The following SNX6 variants were observed in gnomAD, a reference collection of about 807,000 sequenced individuals.
SNX6 encodes sorting nexin-6.
In SNX6, 34 loss-of-function variants were observed where a neutral mutation model predicts 63.0. The observed-to-expected ratio is 0.54, with a 90% confidence interval of 0.41 to 0.72. The LOEUF (loss-of-function observed/expected upper bound fraction) is 0.72. Among genes scored for constraint, SNX6 ranks in the 30% least tolerant of loss-of-function variants. The pLI, the probability that SNX6 is intolerant of heterozygous loss-of-function variation, is 0.00. For missense variants in SNX6, 398 were observed against 471.4 expected, an observed-to-expected ratio of 0.84 and a Z score of 1.44; for synonymous variants, 170 against 164.2, an observed-to-expected ratio of 1.04 and a Z score of -0.27.
intron 2 of SNX6, among the ~76,000 whole-genome samples, chr14:34,613,838 G>A: frequency 6.6e-6 from 1 of 151,522 alleles, no homozygotes; most frequent in Non-Finnish European, 1.5e-5. Flanking sequence ...GCCGCGTGTG[G>A]TGGCTCACGC....
chr14:34,616,614 G>A (rs1883427992), intron 2 of SNX6, among the ~76,000 whole-genome samples: 2 of 152,026 alleles, frequency 1.3e-5, no homozygotes, highest in Admixed American at 6.6e-5. Context: ...TCCTGACCCC[G>A]TTTGGCTTCC....
chr14:34,624,243 G>A lies in SNX6; in HGVS notation c.54+5664C>T, dbSNP rs759945470. On this transcript the variant is annotated intron_variant, in intron 2 of 13. Coordinates refer to ENST00000362031, the MANE Select transcript of SNX6 (RefSeq NM_152233.4). Reference sequence around the variant, plus strand: ...AGCCTCCCAAGTAGCTGGGATTACAGGCACCAGCCATCACGCCCGGCTAAT... The same window carrying A: ...AGCCTCCCAAGTAGCTGGGATTACAAGCACCAGCCATCACGCCCGGCTAAT... Among the ~76,000 whole-genome samples, 4 of 152,188 alleles carry A rather than the reference G, an allele frequency of 2.6e-5. No individual in the cohort carries two copies. The Middle Eastern group carries it at 0.01, about 388-fold the overall frequency.
chr14:34,606,381 A>G (rs895557532), intron 4 of SNX6, among the ~76,000 whole-genome samples: 3 of 151,676 alleles, frequency 2.0e-5, no homozygotes, highest in Admixed American at 1.3e-4. Context: ...TCAGGCTCCT[A>G]AAGTGCTGGG....
chr14:34,604,288 A>T (rs554414081), intron 5 of SNX6: 1 of 1,251,780 alleles, frequency 8.0e-7, no homozygotes, highest in East Asian at 5.8e-5. Context: ...CCACAAAAGA[A>T]TCATGATCAG....
intron 5 of SNX6, chr14:34,604,400 G>A (rs72675222): frequency 0.026 from 18,359 of 710,040 alleles, 324 homozygotes; most frequent in Middle Eastern, 0.049. Context: ...CTATCAGACC[G>A]CTGCTTGCAA....
intron 7 of SNX6, among the ~76,000 whole-genome samples, chr14:34,594,310 T>A (rs1257920309): frequency 5.5e-5 from 3 of 54,942 alleles, no homozygotes; most frequent in Non-Finnish European, 1.3e-4. Flanking sequence ...TCTTCAACCT[T>A]TTTTTTTTTT....
At chr14:34,603,062 G>C (rs548207205) in intron 6 of SNX6, among the ~76,000 whole-genome samples, 1 of 151,482 alleles carries the variant, frequency 6.6e-6, no homozygotes, top group East Asian at 2.0e-4. Flanking sequence ...TGGATCATGA[G>C]GTCAGGAGAT....
At chr14:34,605,226 G>GAA (rs34301884) in intron 5 of SNX6, among the ~76,000 whole-genome samples, 1 of 142,578 alleles carries the variant, frequency 7.0e-6, no homozygotes, top group Non-Finnish European at 1.5e-5. Flanking sequence ...TTTGTAAATA[G>GAA]AAAAAAAAAA....
intron 6 of SNX6, among the ~76,000 whole-genome samples, chr14:34,601,075 T>C (rs979266892): frequency 6.6e-6 from 1 of 151,746 alleles, no homozygotes; most frequent in East Asian, 1.9e-4. Flanking sequence ...TCAGCACCAA[T>C]GGTCAGTTAA....
intron 2 of SNX6, among the ~76,000 whole-genome samples, chr14:34,623,290 A>C (rs1410209004): frequency 1.3e-5 from 2 of 152,156 alleles, no homozygotes; most frequent in African/African-American, 4.8e-5. Context: ...AAACACTGAA[A>C]TGCATGCATA....
chr14:34,618,325 G>A (rs939285733), intron 2 of SNX6, among the ~76,000 whole-genome samples: 1 of 151,526 alleles, frequency 6.6e-6, no homozygotes, highest in Admixed American at 6.6e-5. Flanking sequence ...CCACTCCTCT[G>A]GCTCACTATA....
At chr14:34,603,568 AATGC>A in intron 5 of SNX6, 97 bp from the exon 6 acceptor site, 2 of 1,005,346 alleles carry the variant, frequency 2.0e-6, no homozygotes, top group African/African-American at 3.3e-5. Flanking sequence ...GATTATTCCG[AATGC>A]AAATCAGAGA....
At chr14:34,592,659 G>A (rs959762821) in intron 8 of SNX6, among the ~76,000 whole-genome samples, 7 of 152,072 alleles carry the variant, frequency 4.6e-5, no homozygotes, top group African/African-American at 1.7e-4. Flanking sequence ...AACCTCCCAG[G>A]CCCAAGGCAT....
chr14:34,604,538 G>A (rs902584604), intron 5 of SNX6, among the ~76,000 whole-genome samples: 2 of 152,090 alleles, frequency 1.3e-5, no homozygotes, highest in African/African-American at 4.8e-5. Flanking sequence ...GCATGAAGGG[G>A]AGAAATGACC....
At chr14:34,606,269 C>A (rs995476979) in intron 4 of SNX6, among the ~76,000 whole-genome samples, 6 of 149,052 alleles carry the variant, frequency 4.0e-5, no homozygotes, top group African/African-American at 1.5e-4. Flanking sequence ...TATAAGCGCA[C>A]GACACCACGC....
intron 2 of SNX6, among the ~76,000 whole-genome samples, chr14:34,614,260 C>CT (rs1460797581): frequency 6.6e-6 from 1 of 151,598 alleles, no homozygotes; most frequent in Admixed American, 6.6e-5. Context: ...AACCCCATCT[C>CT]TAAAAAAAAA....
chr14:34,586,474 G>A (rs146202952), intron 8 of SNX6, among the ~76,000 whole-genome samples, 169 bp from the exon 9 acceptor site: 2,235 of 151,506 alleles, frequency 0.015, 43 homozygotes, highest in African/African-American at 0.045. Flanking sequence ...TGGGAGGCTG[G>A]GGCAGGCAGA....
At chr14:34,568,312 C>A (rs1302508114) in intron 11 of SNX6, among the ~76,000 whole-genome samples, 1 of 151,488 alleles carries the variant, frequency 6.6e-6, no homozygotes, top group East Asian at 1.9e-4. Flanking sequence ...CTCACTGCAA[C>A]CTCCACCTCG....
intron 5 of SNX6, chr14:34,605,394 A>G (rs1029854266): frequency 5.4e-6 from 2 of 371,138 alleles, no homozygotes; most frequent in Non-Finnish European, 4.8e-6. Context: ...ATAACTTTAC[A>G]GTGGAAACAA....
Sources: allele counts gnomAD v4.1 joint callset (sites outside exome capture counted in the v4.1 genomes callset), GRCh38; gene constraint gnomAD v4.1.1; transcripts MANE v1.5; gene names NCBI Gene and HGNC (gene_info 2026-07-23, HGNC 2026-07-21).